SLC39A11: variants seen among roughly 807,000 people sequenced by gnomAD.
SLC39A11 encodes the protein zinc transporter ZIP11.
SLC39A11 carries 33 observed loss-of-function variants against 36.1 expected under a neutral mutation model. That is an observed-to-expected ratio of 0.91 (90% CI 0.69 to 1.22). The LOEUF is 1.22. SLC39A11 is among the 50% of genes most tolerant of loss of function. The pLI, the probability that SLC39A11 is intolerant of heterozygous loss-of-function variation, is 0.00. For missense variants in SLC39A11, 432 were observed against 430.3 expected, an observed-to-expected ratio of 1.00 and a Z score of -0.03; for synonymous variants, 166 against 170.3, an observed-to-expected ratio of 0.97 and a Z score of 0.20.
intron 6 of SLC39A11, among the ~76,000 whole-genome samples, chr17:72,757,814 G>A (rs752213856): frequency 6.6e-6 from 1 of 152,186 alleles, no homozygotes; most frequent in Non-Finnish European, 1.5e-5. Context: ...TTTGCTGAGT[G>A]TATCCACCGT....
chr17:72,869,014 G>A (rs1184007489), intron 5 of SLC39A11, among the ~76,000 whole-genome samples: 1 of 152,182 alleles, frequency 6.6e-6, no homozygotes, highest in Non-Finnish European at 1.5e-5. Flanking sequence ...CTTTAAGACA[G>A]GGAGGTTAGC....
intron 4 of SLC39A11, among the ~76,000 whole-genome samples, chr17:73,008,998 G>C (rs1326392607): frequency 6.7e-6 from 1 of 149,050 alleles, no homozygotes; most frequent in Non-Finnish European, 1.5e-5. Context: ...GGCCCTTAAG[G>C]CTGCAGTGAG....
chr17:72,897,573 G>A (rs1285144243), intron 5 of SLC39A11, among the ~76,000 whole-genome samples: 3 of 152,194 alleles, frequency 2.0e-5, no homozygotes, highest in Admixed American at 6.5e-5. Context: ...AGGAGCCGAT[G>A]GGTTGAGTTT....
intron 6 of SLC39A11, among the ~76,000 whole-genome samples, chr17:72,802,097 T>C (rs1275248699): frequency 6.6e-6 from 1 of 152,206 alleles, no homozygotes; most frequent in African/African-American, 2.4e-5. Flanking sequence ...ATTAAGGGAA[T>C]GAATCCCACC....
chr17:73,070,717 G>A (rs150857559), intron 3 of SLC39A11, among the ~76,000 whole-genome samples: 155 of 152,164 alleles, frequency 1.0e-3, no homozygotes, highest in African/African-American at 3.6e-3. Context: ...TCATGAGGGC[G>A]GGCCTTTCCC....
At position 72,821,540 on chromosome 17, in the gene SLC39A11, G is replaced by T. The variant is rs1397042535; in HGVS notation, c.601+28094C>A. 11 of 148,940 alleles carry T rather than the reference G, an allele frequency of 7.4e-5. No homozygotes were observed. The East Asian group carries it at 1.9e-3, about 26-fold the overall frequency. The allele number at this position is 148,940 out of a possible 1,614,324, so 9.2% of individuals were successfully genotyped here. A position where few individuals can be genotyped will look rare whatever the true frequency, so the allele number is the denominator to read the frequency against. On this transcript the variant is annotated intron_variant, in intron 6 of 9. Coordinates refer to ENST00000255559, the MANE Select transcript of SLC39A11 (RefSeq NM_139177.4). Reference sequence around the variant, plus strand: ...AAAAAAAAAAAAAAAAAAGTTGGGGGTGGGGAATTTGAACAGATTTTTTGT... The same window carrying T: ...AAAAAAAAAAAAAAAAAAGTTGGGGTTGGGGAATTTGAACAGATTTTTTGT...
chr17:72,711,968 C>T (rs1374652250), intron 7 of SLC39A11, among the ~76,000 whole-genome samples: 1 of 152,206 alleles, frequency 6.6e-6, no homozygotes, highest in African/African-American at 2.4e-5. Flanking sequence ...TGAGAAAATG[C>T]TTCTGTACCT....
At chr17:73,006,902 C>T (rs1290877694) in intron 4 of SLC39A11, among the ~76,000 whole-genome samples, 4 of 152,040 alleles carry the variant, frequency 2.6e-5, no homozygotes. Context: ...TTCTAAGCCT[C>T]GAGGATTCAA....
intron 4 of SLC39A11, among the ~76,000 whole-genome samples, chr17:72,967,829 G>C (rs989227850): frequency 2.0e-5 from 3 of 152,184 alleles, no homozygotes; most frequent in African/African-American, 7.2e-5. Flanking sequence ...CAGGACATGA[G>C]GGATCAACTA....
rs2084583269 is a variant in SLC39A11, at chr17:72,933,905, T to G, written c.430+13847A>C. Among the ~76,000 whole-genome samples, 3 of 152,268 alleles carry G rather than the reference T, an allele frequency of 2.0e-5. No individual in the cohort carries two copies. In the South Asian group the frequency reaches 6.2e-4, roughly 32 times the overall value. On this transcript the variant is annotated intron_variant, in intron 5 of 9. Transcript: ENST00000255559. Reference sequence around the variant, plus strand: ...ACGCACAAAAACCAATGAATCAGAATGAAGGGTCCAAAAACAGAACCAAAC... The same window carrying G: ...ACGCACAAAAACCAATGAATCAGAAGGAAGGGTCCAAAAACAGAACCAAAC...
intron 6 of SLC39A11, among the ~76,000 whole-genome samples, chr17:72,843,885 T>G (rs1646813509): frequency 6.6e-6 from 1 of 152,150 alleles, no homozygotes; most frequent in African/African-American, 2.4e-5. Context: ...TGCCTTCGGG[T>G]GTGGCCTCAC....
chr17:72,738,826 C>T (rs1320815896), intron 6 of SLC39A11, among the ~76,000 whole-genome samples: 1 of 152,134 alleles, frequency 6.6e-6, no homozygotes. Context: ...CTTAGTACAG[C>T]GCATTTCTTT....
At chr17:72,654,239 G>A (rs372663889) in intron 7 of SLC39A11, among the ~76,000 whole-genome samples, 66 of 152,206 alleles carry the variant, frequency 4.3e-4, no homozygotes, top group African/African-American at 1.4e-3. Context: ...GATGGGTGCC[G>A]CTTCTGGCAT....
intron 7 of SLC39A11, among the ~76,000 whole-genome samples, chr17:72,706,428 G>T (rs1567967604): frequency 6.6e-6 from 1 of 152,172 alleles, no homozygotes; most frequent in African/African-American, 2.4e-5. Context: ...GAAACTCCCA[G>T]TGGAGCACAG....
At chr17:72,980,790 T>C (rs552860098) in intron 4 of SLC39A11, among the ~76,000 whole-genome samples, 39 of 152,234 alleles carry the variant, frequency 2.6e-4, no homozygotes, top group African/African-American at 7.7e-4. Flanking sequence ...TTTGGGAGGC[T>C]GAGGCGGGTG....
intron 6 of SLC39A11, among the ~76,000 whole-genome samples, chr17:72,736,974 A>G (rs1485048793): frequency 2.0e-5 from 3 of 152,188 alleles, no homozygotes; most frequent in Non-Finnish European, 4.4e-5. Context: ...TTCATGATAC[A>G]TGAAAATTAT....
At chr17:73,048,977 A>T (rs1442043867) in intron 3 of SLC39A11, among the ~76,000 whole-genome samples, 1 of 152,226 alleles carries the variant, frequency 6.6e-6, no homozygotes, top group Non-Finnish European at 1.5e-5. Flanking sequence ...ACACACACAC[A>T]ACAAATGACA....
intron 1 of SLC39A11, among the ~76,000 whole-genome samples, chr17:73,089,373 A>G (rs1049128823): frequency 6.6e-6 from 1 of 152,138 alleles, no homozygotes; most frequent in Non-Finnish European, 1.5e-5. Context: ...CAACTGAATT[A>G]TTTATGGCAC....
At chr17:72,713,122 G>A (rs766606684) in intron 7 of SLC39A11, 54 of 152,544 alleles carry the variant, frequency 3.5e-4, no homozygotes, top group Non-Finnish European at 6.9e-4. Context: ...GAGCAGGCAA[G>A]ACATGGCATT....
Sources: gnomAD v4.1 joint callset for allele counts (sites outside exome capture counted in the v4.1 genomes callset) on GRCh38, gnomAD v4.1.1 for gene constraint, MANE v1.5 for transcripts, NCBI Gene and HGNC (gene_info 2026-07-23, HGNC 2026-07-21) for gene names.